The following TRIP12 variants were observed in gnomAD, a reference collection of about 807,000 sequenced individuals.
TRIP12 encodes thyroid hormone receptor interactor 12.
A neutral mutation model predicts 244.2 loss-of-function variants in TRIP12; 25 were observed. The observed-to-expected ratio is 0.10, with a 90% confidence interval of 0.07 to 0.14. The LOEUF (loss-of-function observed/expected upper bound fraction) is 0.14. Ranked by LOEUF, TRIP12 falls within the 10% of genes least tolerant of loss-of-function variation. TRIP12 has a pLI of 1.00. For missense variants in TRIP12, 1,677 were observed against 2,486.4 expected (o/e 0.67, Z 6.92); for synonymous variants, 905 against 873.1 (o/e 1.04, Z -0.64).
At chr2:229,897,065 G>T (rs1295299405) in intron 1 of TRIP12, among the ~76,000 whole-genome samples, 1 of 152,198 alleles carries the variant, frequency 6.6e-6, no homozygotes, top group Admixed American at 6.5e-5. Flanking sequence ...TGCATGTTGA[G>T]GGGTAGAGGA....
chr2:229,844,246 T>C (rs1169350327), intron 4 of TRIP12, among the ~76,000 whole-genome samples: 2 of 152,228 alleles, frequency 1.3e-5, no homozygotes, highest in Non-Finnish European at 1.5e-5. Context: ...TAAAATGTAC[T>C]TCTCATTACA....
At chr2:229,858,716 G>C in intron 4 of TRIP12, 56 bp downstream of exon 4, 6 of 1,462,788 alleles carry the variant, frequency 4.1e-6, no homozygotes, top group Non-Finnish European at 5.5e-6. Flanking sequence ...AATTGCTTTT[G>C]ACAAACCAAG....
At chr2:229,840,049 T>C (rs2055993638) in intron 5 of TRIP12, among the ~76,000 whole-genome samples, 1 of 152,190 alleles carries the variant, frequency 6.6e-6, no homozygotes, top group Non-Finnish European at 1.5e-5. Flanking sequence ...CTAACACTTT[T>C]AGAAACCAAC....
At chr2:229,922,905 G>C (rs2076803679), upstream of TRIP12, among the ~76,000 whole-genome samples, 1 of 152,226 alleles carries the variant, frequency 6.6e-6, no homozygotes, top group South Asian at 2.1e-4. Context: ...TCCGCGCGAA[G>C]AGGAAAACGG....
chr2:229,839,126 A>G (rs2055653230), intron 5 of TRIP12, among the ~76,000 whole-genome samples: 1 of 152,214 alleles, frequency 6.6e-6, no homozygotes, highest in East Asian at 1.9e-4. Context: ...CAAGATTATT[A>G]ATACCCTATT....
intron 1 of TRIP12, among the ~76,000 whole-genome samples, chr2:229,910,014 T>C (rs1463577034): frequency 2.0e-5 from 3 of 152,246 alleles, no homozygotes; most frequent in Non-Finnish European, 4.4e-5. Flanking sequence ...AAGAGCTAAA[T>C]GCAGCAGTTG....
At chr2:229,800,035 C>T (rs751260847) in intron 21 of TRIP12, among the ~76,000 whole-genome samples, 5 of 152,074 alleles carry the variant, frequency 3.3e-5, no homozygotes, top group South Asian at 2.1e-4. Context: ...TAAAAATAAA[C>T]GGGTAATCAC....
intron 2 of TRIP12, among the ~76,000 whole-genome samples, chr2:229,865,548 C>T (rs1442570951): frequency 6.7e-6 from 1 of 148,200 alleles, no homozygotes; most frequent in East Asian, 2.3e-4. Flanking sequence ...GCATGTATTA[C>T]ATAATATACA....
At position 229,778,630 on chromosome 2, in the gene TRIP12, A is replaced by C; in HGVS notation, c.5210-43T>G. The C allele has an allele frequency of 6.3e-7, 1 of 1,581,838 alleles. No homozygotes were observed. Among genetic ancestry groups the C allele is most frequent in the South Asian group, 1.2e-5 (1 of 86,766 alleles). ...CAGCAAACTTCAGATGATGTTTCCA[A>C]AAACAAAACAAAACCTGGTAACTAA... On this transcript the variant is annotated intron_variant, in intron 35 of 41. Transcript: ENST00000675903. The surrounding 1 kb of genome is among the most constrained non-coding windows in gnomAD (Gnocchi z 4.1).
At chr2:229,894,557 G>A (rs1050352167) in intron 1 of TRIP12, 4 of 152,304 alleles carry the variant, frequency 2.6e-5, no homozygotes, top group African/African-American at 9.6e-5. Context: ...CGACTGCTGG[G>A]AAAGTTGCCT....
chr2:229,845,110 T>C (rs1488346785), intron 4 of TRIP12, among the ~76,000 whole-genome samples: 1 of 152,226 alleles, frequency 6.6e-6, no homozygotes, highest in Non-Finnish European at 1.5e-5. Flanking sequence ...GATATTATCC[T>C]CTTTTATTGT....
At chr2:229,890,834 T>C (rs1231884373) in intron 1 of TRIP12, among the ~76,000 whole-genome samples, 1 of 152,186 alleles carries the variant, frequency 6.6e-6, no homozygotes, top group Non-Finnish European at 1.5e-5. Context: ...CAAAAATAAG[T>C]AGATGCCAAA....
chr2:229,808,373 T>C lies in TRIP12; in HGVS notation c.2222-4A>G. 1 of 1,605,042 alleles carries C rather than the reference T, an allele frequency of 6.2e-7. No homozygotes were observed. Among genetic ancestry groups the C allele is most frequent in the Non-Finnish European group, 8.5e-7 (1 of 1,174,792 alleles). On this transcript the variant is annotated splice_region_variant and splice_polypyrimidine_tract_variant and intron_variant, in intron 15 of 41. Coordinates refer to ENST00000675903, the MANE Select transcript of TRIP12 (RefSeq NM_001348323.3). The stretch of plus-strand genomic sequence containing the variant: ...AAGTGAAGCGTTTCTGCAATGTCTG[T>C]AAAAACCAACAACAAAAAACAAAAG...
intron 2 of TRIP12, among the ~76,000 whole-genome samples, chr2:229,876,279 C>G (rs780270159): frequency 2.6e-5 from 4 of 151,892 alleles, no homozygotes; most frequent in Admixed American, 6.6e-5. Flanking sequence ...TCCATCTCAA[C>G]AAAACAAAAC....
intron 1 of TRIP12, among the ~76,000 whole-genome samples, chr2:229,905,383 A>G (rs577322715): frequency 6.6e-5 from 10 of 152,338 alleles, no homozygotes; most frequent in African/African-American, 2.4e-4. Flanking sequence ...TCATTTAGGA[A>G]GAGAGAAGAT....
At chr2:229,919,964 T>C (rs1436706502) in intron 1 of TRIP12, among the ~76,000 whole-genome samples, 1 of 152,250 alleles carries the variant, frequency 6.6e-6, no homozygotes, top group African/African-American at 2.4e-5. Context: ...AAACTTACAC[T>C]TAATATTGAT....
chr2:229,905,605 G>T (rs1375882811), intron 1 of TRIP12, among the ~76,000 whole-genome samples: 3 of 152,094 alleles, frequency 2.0e-5, no homozygotes, highest in Admixed American at 6.6e-5. Flanking sequence ...TGAGAATAAC[G>T]AATATACTTT....
chr2:229,817,857 A>G (rs2048892297), intron 9 of TRIP12, among the ~76,000 whole-genome samples: 1 of 152,150 alleles, frequency 6.6e-6, no homozygotes, highest in Non-Finnish European at 1.5e-5. Context: ...GGTCTCCCAA[A>G]GTATTGGGAT....
chr2:229,786,248 G>C (rs1205860654), intron 33 of TRIP12, among the ~76,000 whole-genome samples: 1 of 152,142 alleles, frequency 6.6e-6, no homozygotes, highest in Non-Finnish European at 1.5e-5. Flanking sequence ...AAACAGGTGA[G>C]CTGGAAACCT....
Sources: allele counts gnomAD v4.1 joint callset (sites outside exome capture counted in the v4.1 genomes callset), GRCh38; gene constraint gnomAD v4.1.1; non-coding constraint Gnocchi (gnomAD v3.1); transcripts MANE v1.5; gene names NCBI Gene and HGNC (gene_info 2026-07-23, HGNC 2026-07-21).